Variants in PUM1 observed in about 807,000 individuals in gnomAD.
PUM1 encodes the protein pumilio homolog 1.
A neutral mutation model predicts 131.8 loss-of-function variants in PUM1; 13 were observed. The observed-to-expected ratio is 0.10, with a 90% CI of 0.06 to 0.16. The LOEUF is 0.16. Ranked by LOEUF, PUM1 falls within the 10% of genes least tolerant of loss-of-function variation. The probability of loss-of-function intolerance (pLI) is 1.00; values close to 1 mark genes in which losing one functional copy is unlikely to be tolerated. For missense variants in PUM1, 961 were observed against 1,512.4 expected (o/e 0.64, Z 6.05); for synonymous variants, 509 against 556.5 (o/e 0.91, Z 1.20).
rs1349152830 is a variant in PUM1, at chr1:31,039,227, T to C, written c.364-10363A>G. Among the ~76,000 whole-genome samples the C allele has an allele frequency of 8.0e-5, 12 of 150,444 alleles. No individual in the cohort carries two copies. In the South Asian group the frequency reaches 1.9e-3, roughly 24 times the overall value. On this transcript the variant is annotated intron_variant, in intron 2 of 21. Coordinates refer to ENST00000426105, the MANE Select transcript of PUM1 (RefSeq NM_001020658.2). Reference sequence around the variant, plus strand: ...CCCACGCTAACAAAAAAAAAATTTTTTTTTTTTTTGAGGCAGAGTCTGGCT... The same window carrying C: ...CCCACGCTAACAAAAAAAAAATTTTCTTTTTTTTTGAGGCAGAGTCTGGCT...
intron 18 of PUM1, among the ~76,000 whole-genome samples, chr1:30,943,316 G>A (rs1038418463): frequency 6.6e-6 from 1 of 151,794 alleles, no homozygotes; most frequent in Non-Finnish European, 1.5e-5. Flanking sequence ...AGGCTGGAGT[G>A]CAATGGCACC....
intron 14 of PUM1, among the ~76,000 whole-genome samples, chr1:30,955,614 G>T (rs1272887252): frequency 1.3e-5 from 2 of 152,132 alleles, no homozygotes; most frequent in African/African-American, 4.8e-5. Context: ...GCCAAAGGAG[G>T]TAAGAAATAT....
At chr1:30,964,632 G>C in intron 14 of PUM1, 42 bp downstream of exon 14, 1 of 1,512,150 alleles carries the variant, frequency 6.6e-7, no homozygotes, top group Non-Finnish European at 9.2e-7. Flanking sequence ...GGTGGCAAGA[G>C]AGTTCTAGAG....
In PUM1 at chr1:31,015,936, G is replaced by A. The variant is rs1210930042; in HGVS notation, c.433-8834C>T. On this transcript the variant is annotated intron_variant, in intron 3 of 21. Transcript: ENST00000426105. ...GATCCACCCGCCTCGGCCTCCCAAC[G>A]TGCTGGGATTACAGGCATAAGCCAC... Among the ~76,000 whole-genome samples, 9 of 152,242 alleles carry A rather than the reference G, an allele frequency of 5.9e-5. No homozygotes were observed. In the East Asian group the frequency reaches 1.4e-3, roughly 23 times the overall value.
chr1:31,027,993 CA>C (rs1643286608), intron 3 of PUM1, among the ~76,000 whole-genome samples: 1 of 152,160 alleles, frequency 6.6e-6, no homozygotes, highest in Admixed American at 6.5e-5. Context: ...AGAGCCACAA[CA>C]AATGTCACTT....
At chr1:31,061,003 A>C (rs1644355389) in intron 1 of PUM1, among the ~76,000 whole-genome samples, 1 of 152,202 alleles carries the variant, frequency 6.6e-6, no homozygotes, top group Non-Finnish European at 1.5e-5. Flanking sequence ...GAATGCTTTT[A>C]GCCTAAGCCC....
chr1:31,009,782 A>AAAAAAAAAAAAAAAAAAAAACAAAAAC (rs375044466), intron 3 of PUM1, among the ~76,000 whole-genome samples: 7 of 125,356 alleles, frequency 5.6e-5, no homozygotes, highest in South Asian at 2.6e-4. Flanking sequence ...AAAAAAAAAA[A>AAAAAAAAAAAAAAAAAAAAACAAAAAC]AAAAACAAAA....
chr1:30,977,790 T>C (rs1400849230), intron 9 of PUM1, among the ~76,000 whole-genome samples: 1 of 152,100 alleles, frequency 6.6e-6, no homozygotes, highest in Non-Finnish European at 1.5e-5. Flanking sequence ...TCAAGTAACA[T>C]AAATTAGTAA....
intron 16 of PUM1, 91 bp downstream of exon 16, chr1:30,952,143 G>T: frequency 7.8e-7 from 1 of 1,279,644 alleles, no homozygotes; most frequent in Non-Finnish European, 1.1e-6. Context: ...CTGAGGACTG[G>T]AATGGGACTG....
At chr1:30,988,537 C>T (rs371720065) in intron 7 of PUM1, among the ~76,000 whole-genome samples, 33 of 152,286 alleles carry the variant, frequency 2.2e-4, no homozygotes, top group Middle Eastern at 3.4e-3. Context: ...AAAATGATCA[C>T]CTTTGTTGCT....
intron 18 of PUM1, 108 bp from the exon 19 acceptor site, chr1:30,942,231 A>ATATATATATATATC (rs1639481327): frequency 6.0e-6 from 1 of 167,334 alleles, no homozygotes; most frequent in South Asian, 2.0e-4. Context: ...ATATATATAT[A>ATATATATATATATC]TATATGTATT....
intron 6 of PUM1, among the ~76,000 whole-genome samples, chr1:30,994,825 T>C (rs1466566125): frequency 3.3e-5 from 5 of 152,238 alleles, no homozygotes; most frequent in Non-Finnish European, 7.3e-5. Flanking sequence ...TAAAGTTCTA[T>C]GCAAATGCAA....
intron 5 of PUM1, among the ~76,000 whole-genome samples, chr1:30,996,416 C>T (rs1641981566): frequency 6.6e-6 from 1 of 152,192 alleles, no homozygotes; most frequent in Non-Finnish European, 1.5e-5. Context: ...GTGGACAGGC[C>T]TGTAGATCCA....
chr1:30,972,276 G>C (rs1384138655), intron 10 of PUM1, among the ~76,000 whole-genome samples: 1 of 872 alleles, frequency 1.1e-3, no homozygotes, highest in Non-Finnish European at 1.8e-3. Flanking sequence ...AAGAAGGGAA[G>C]GGAAGGGAAG....
At chr1:31,036,597 T>C (rs1370503248) in intron 2 of PUM1, 1 of 152,230 alleles carries the variant, frequency 6.6e-6, no homozygotes, top group Non-Finnish European at 1.5e-5. Flanking sequence ...GTCAAGGCAC[T>C]TGGCTAAAAA....
chr1:30,952,190 T>C, intron 16 of PUM1, 44 bp downstream of exon 16: 1 of 1,587,802 alleles, frequency 6.3e-7, no homozygotes. Context: ...CAAAATGCTC[T>C]GCAGATTCTC....
chr1:30,934,870 T>G (rs1639134818), intron 21 of PUM1, among the ~76,000 whole-genome samples: 3 of 152,210 alleles, frequency 2.0e-5, no homozygotes, highest in African/African-American at 7.2e-5. Context: ...ACTCCATTTT[T>G]TATTGGATTT....
intron 10 of PUM1, among the ~76,000 whole-genome samples, chr1:30,969,727 C>T (rs1640797530): frequency 6.6e-6 from 1 of 151,952 alleles, no homozygotes; most frequent in Non-Finnish European, 1.5e-5. Flanking sequence ...TGTAGTGTGG[C>T]ACAGTCTCAG....
At chr1:30,983,541 G>C (rs1452509990) in intron 7 of PUM1, among the ~76,000 whole-genome samples, 1 of 152,102 alleles carries the variant, frequency 6.6e-6, no homozygotes, top group Non-Finnish European at 1.5e-5. Flanking sequence ...AGGGTATCTC[G>C]ATTTATTAAC....
Sources: gnomAD v4.1 joint callset for allele counts (sites outside exome capture counted in the v4.1 genomes callset) on GRCh38, gnomAD v4.1.1 for gene constraint, MANE v1.5 for transcripts, NCBI Gene and HGNC (gene_info 2026-07-23, HGNC 2026-07-21) for gene names.